AGBL1: variants seen among roughly 807,000 people sequenced by gnomAD.
AGBL1 encodes cytosolic carboxypeptidase 4.
Under a neutral mutation model 118.9 loss-of-function variants are expected in AGBL1, and 130 were observed. The ratio of observed to expected loss-of-function variants is 1.09; its 90% CI spans 0.95 to 1.26. The LOEUF is 1.26. AGBL1 is among the 50% of genes most tolerant of loss of function. The probability of loss-of-function intolerance (pLI) is 0.00; values close to 1 mark genes in which losing one functional copy is unlikely to be tolerated. For synonymous variants in AGBL1, 555 were observed against 478.9 expected, an observed-to-expected ratio of 1.16 and a Z score of -2.08; for missense variants, 1,584 against 1,298.1, an observed-to-expected ratio of 1.22 and a Z score of -3.38.
intron 17 of AGBL1, among the ~76,000 whole-genome samples, chr15:86,319,553 G>C (rs182449844): frequency 6.6e-6 from 1 of 151,948 alleles, no homozygotes; most frequent in East Asian, 1.9e-4. Flanking sequence ...GGCCACTGAG[G>C]TGTAATACCA....
At chr15:86,138,853 C>G (rs760307662) in intron 1 of AGBL1, among the ~76,000 whole-genome samples, 12 of 152,156 alleles carry the variant, frequency 7.9e-5, no homozygotes, top group Non-Finnish European at 1.5e-4. Flanking sequence ...TGCTACAGGT[C>G]TATCCAGAAA....
At chr15:86,996,802 C>A (rs2081384398) in intron 24 of AGBL1, among the ~76,000 whole-genome samples, 1 of 152,094 alleles carries the variant, frequency 6.6e-6, no homozygotes, top group African/African-American at 2.4e-5. Flanking sequence ...AACGCTATTG[C>A]TCATACTTTA....
rs58789929 is a variant in AGBL1, at chr15:86,613,141, G to C, written c.2994+58604G>C. Among the ~76,000 whole-genome samples, 14 of 152,270 alleles carry C rather than the reference G, an allele frequency of 9.2e-5. No individual in the cohort carries two copies. Among genetic ancestry groups the C allele is most frequent in the Admixed American group, 8.5e-4 (13 of 15,262 alleles). Reference sequence around the variant, plus strand: ...GTGTTACAGGCCATGGTTCTTAACCGTGGCAAAATAAATCTCTAAATTGAT... The same window carrying C: ...GTGTTACAGGCCATGGTTCTTAACCCTGGCAAAATAAATCTCTAAATTGAT... On this transcript the variant is annotated intron_variant, in intron 21 of 22. Transcript: ENST00000614907. This position sits in a 1 kb window ranked among gnomAD's most constrained non-coding sequence, Gnocchi z 4.2.
intron 22 of AGBL1, among the ~76,000 whole-genome samples, chr15:86,710,055 G>T (rs191741852): frequency 1.1e-4 from 16 of 152,250 alleles, no homozygotes; most frequent in African/African-American, 3.9e-4. Context: ...TTTGAATGGG[G>T]CGAGGAGCAG....
At chr15:86,968,290 C>T (rs2081074459) in intron 23 of AGBL1, among the ~76,000 whole-genome samples, 1 of 151,742 alleles carries the variant, frequency 6.6e-6, no homozygotes, top group African/African-American at 2.4e-5. Context: ...ATATTTGAGC[C>T]TCAGATTTGT....
intron 21 of AGBL1, among the ~76,000 whole-genome samples, chr15:86,667,048 C>G (rs1057299107): frequency 4.6e-5 from 7 of 152,186 alleles, no homozygotes; most frequent in Middle Eastern, 3.4e-3. Flanking sequence ...TGTTCTCTGC[C>G]CTTTATCTTG....
chr15:86,162,934 A>G (rs2077287686), intron 5 of AGBL1, among the ~76,000 whole-genome samples: 1 of 152,140 alleles, frequency 6.6e-6, no homozygotes, highest in East Asian at 1.9e-4. Flanking sequence ...TTCATCAGAG[A>G]AAAGGAATCT....
At chr15:86,648,796 T>A (rs1221165776) in intron 21 of AGBL1, among the ~76,000 whole-genome samples, 1 of 152,162 alleles carries the variant, frequency 6.6e-6, no homozygotes, top group Non-Finnish European at 1.5e-5. Context: ...TAATGAAGAA[T>A]AACTGATTCT....
At chr15:86,236,849 GA>G (rs1161337843) in intron 6 of AGBL1, among the ~76,000 whole-genome samples, 1 of 134,240 alleles carries the variant, frequency 7.4e-6, no homozygotes, top group South Asian at 2.5e-4. Context: ...ATAGCCCGGG[GA>G]AAAAACTGAC....
At chr15:86,558,992 GGCAAC>G in intron 21 of AGBL1, among the ~76,000 whole-genome samples, 1 of 152,290 alleles carries the variant, frequency 6.6e-6, no homozygotes, top group Non-Finnish European at 1.5e-5. Flanking sequence ...TCTCTCTAAA[GGCAAC>G]TGTTTCGTGC....
intron 5 of AGBL1, among the ~76,000 whole-genome samples, chr15:86,180,476 C>G (rs925870838): frequency 6.6e-6 from 1 of 151,978 alleles, no homozygotes; most frequent in South Asian, 2.1e-4. Flanking sequence ...TATTCATGTG[C>G]AAATGATAGA....
chr15:86,163,582 G>T (rs57452708), intron 5 of AGBL1, among the ~76,000 whole-genome samples: 14,960 of 151,940 alleles, frequency 0.098, 968 homozygotes, highest in East Asian at 0.21. Flanking sequence ...ACAAAAATTA[G>T]CTGGGCATGG....
chr15:86,339,695 G>A (rs553155659), intron 17 of AGBL1, among the ~76,000 whole-genome samples: 3 of 152,146 alleles, frequency 2.0e-5, no homozygotes, highest in East Asian at 1.9e-4. Context: ...TCGGCCGGGC[G>A]CAGTGGCTCA....
At chr15:87,019,438 C>G (rs1203752223) in intron 24 of AGBL1, among the ~76,000 whole-genome samples, 1 of 152,042 alleles carries the variant, frequency 6.6e-6, no homozygotes, top group Non-Finnish European at 1.5e-5. Flanking sequence ...GACCACAGTG[C>G]AATCAAATTA....
chr15:86,605,147 T>C (rs1311104783), intron 21 of AGBL1, among the ~76,000 whole-genome samples: 1 of 151,736 alleles, frequency 6.6e-6, no homozygotes, highest in Non-Finnish European at 1.5e-5. Context: ...GAATATTTTT[T>C]TTAAAAAGAA....
chr15:86,972,999 C>G (rs1164441777), intron 23 of AGBL1, among the ~76,000 whole-genome samples: 1 of 151,868 alleles, frequency 6.6e-6, no homozygotes, highest in African/African-American at 2.4e-5. Flanking sequence ...GAATTTGGAT[C>G]AGACAAATTG....
chr15:86,354,365 C>A lies in AGBL1; in HGVS notation c.2375-43001C>A, dbSNP rs11855207. Reference sequence around the variant, plus strand: ...ATGAAAATCAAAGACAAGTCTTTAACGTCTTGGATAAGAGACAGACCAATT... The same window carrying A: ...ATGAAAATCAAAGACAAGTCTTTAAAGTCTTGGATAAGAGACAGACCAATT... On this transcript the variant is annotated intron_variant, in intron 17 of 22. Transcript: ENST00000614907. 1.2e-4 allele frequency among the ~76,000 whole-genome samples: 19 copies of A among 152,222 alleles called. No homozygotes were observed. In the South Asian group the frequency reaches 3.7e-3, roughly 30 times the overall value.
At chr15:86,447,060 T>C (rs2082129338) in intron 18 of AGBL1, among the ~76,000 whole-genome samples, 1 of 151,550 alleles carries the variant, frequency 6.6e-6, no homozygotes, top group South Asian at 2.1e-4. Flanking sequence ...GGCCCATAAA[T>C]CTGAATTTTT....
At position 86,079,876 on chromosome 15, in the gene AGBL1, T is replaced by C; in HGVS notation, c.-97T>C. ...TGCAGCTGAGGCCTCCGGGCAGTCG[T>C]CTCCTGCGAGGCGGGCAGCGAGGTC... On this transcript the variant is annotated 5_prime_UTR_variant, in exon 1 of 23. Transcript: ENST00000614907. The C allele has an allele frequency of 1.1e-6, 1 of 918,154 alleles. No homozygotes were observed. Among genetic ancestry groups the C allele is most frequent in the Non-Finnish European group, 1.4e-6 (1 of 699,338 alleles). 56.9% of individuals were successfully genotyped at this position (918,154 alleles called of 1,614,324 possible).
Sources: allele counts gnomAD v4.1 joint callset (sites outside exome capture counted in the v4.1 genomes callset), GRCh38; gene constraint gnomAD v4.1.1; non-coding constraint Gnocchi (gnomAD v3.1); transcripts MANE v1.5; gene names NCBI Gene and HGNC (gene_info 2026-07-23, HGNC 2026-07-21).